ATXN7L1: variants seen among roughly 807,000 people sequenced by gnomAD.
ATXN7L1 encodes ataxin-7-like protein 1.
Under a neutral mutation model 70.8 loss-of-function variants are expected in ATXN7L1, and 15 were observed. That is an observed-to-expected ratio of 0.21 (90% CI 0.14 to 0.33). The LOEUF is 0.33. Among genes scored for constraint, ATXN7L1 ranks in the 10% least tolerant of loss-of-function variants. ATXN7L1 has a pLI of 1.00. For missense variants in ATXN7L1, 975 were observed against 1,097.1 expected, an observed-to-expected ratio of 0.89 and a Z score of 1.57; for synonymous variants, 440 against 445.1, an observed-to-expected ratio of 0.99 and a Z score of 0.14.
intron 2 of ATXN7L1, among the ~76,000 whole-genome samples, chr7:105,849,003 C>T (rs1009914364): frequency 6.6e-6 from 1 of 152,224 alleles, no homozygotes; most frequent in African/African-American, 2.4e-5. Context: ...TCCTCACCTC[C>T]ATTCCTCCAC....
At chr7:105,705,214 T>C (rs531185936) in intron 3 of ATXN7L1, among the ~76,000 whole-genome samples, 88 of 151,784 alleles carry the variant, frequency 5.8e-4, no homozygotes, top group African/African-American at 2.0e-3. Flanking sequence ...TTAGTAGTAA[T>C]GGGGTTTCAC....
intron 9 of ATXN7L1, among the ~76,000 whole-genome samples, chr7:105,619,577 G>A (rs1467879406): frequency 1.9e-5 from 2 of 107,236 alleles, no homozygotes; most frequent in Non-Finnish European, 3.4e-5. Context: ...TAAGAGAGAG[G>A]GTCTTGCTCC....
intron 3 of ATXN7L1, among the ~76,000 whole-genome samples, chr7:105,725,384 A>G (rs1184196154): frequency 6.6e-6 from 1 of 152,178 alleles, no homozygotes; most frequent in African/African-American, 2.4e-5. Context: ...GGAATAAACC[A>G]TTAATGATTG....
chr7:105,857,601 A>G (rs919823960), intron 2 of ATXN7L1, among the ~76,000 whole-genome samples: 7 of 152,236 alleles, frequency 4.6e-5, no homozygotes, highest in Non-Finnish European at 7.3e-5. Flanking sequence ...CCCAGGCTAA[A>G]TACTGTGCTC....
chr7:105,775,365 G>A (rs959525114), intron 3 of ATXN7L1, among the ~76,000 whole-genome samples: 2 of 152,202 alleles, frequency 1.3e-5, no homozygotes, highest in Non-Finnish European at 2.9e-5. Context: ...GAAGCACTGC[G>A]GGTTTAGAAA....
intron 2 of ATXN7L1, among the ~76,000 whole-genome samples, chr7:105,789,927 T>C (rs75638218): frequency 0.017 from 2,619 of 151,720 alleles, 28 homozygotes; most frequent in Non-Finnish European, 0.027. Context: ...CACCCACCAA[T>C]TGACGAGTGG....
chr7:105,668,516 A>G (rs2116086912), intron 3 of ATXN7L1, among the ~76,000 whole-genome samples: 1 of 152,134 alleles, frequency 6.6e-6, no homozygotes, highest in South Asian at 2.1e-4. Flanking sequence ...GGGAGAATCA[A>G]GGCTGAAGAT....
intron 3 of ATXN7L1, among the ~76,000 whole-genome samples, chr7:105,703,305 C>A (rs1169242835): frequency 3.0e-3 from 380 of 126,358 alleles, no homozygotes; most frequent in Middle Eastern, 4.4e-3. Context: ...AACTCCGTCT[C>A]AAAAAAAAAA....
intron 3 of ATXN7L1, among the ~76,000 whole-genome samples, chr7:105,674,088 G>A (rs1422056954): frequency 6.6e-6 from 1 of 152,246 alleles, no homozygotes; most frequent in Non-Finnish European, 1.5e-5. Flanking sequence ...TGGCAGGGCT[G>A]AGGAGCCGAG....
chr7:105,658,551 G>A (rs1227460179), intron 4 of ATXN7L1, among the ~76,000 whole-genome samples: 6 of 139,080 alleles, frequency 4.3e-5, no homozygotes, highest in Non-Finnish European at 9.2e-5. Context: ...TTTTGAGGTG[G>A]AGTCTCACTT....
intron 3 of ATXN7L1, among the ~76,000 whole-genome samples, chr7:105,775,465 G>C (rs608683): frequency 0.29 from 44,256 of 152,006 alleles, 6,749 homozygotes; most frequent in East Asian, 0.45. Flanking sequence ...CCAGGAAGGA[G>C]TCAGTAACTC....
At chr7:105,872,320 C>T (rs1351569815) in intron 2 of ATXN7L1, among the ~76,000 whole-genome samples, 1 of 152,100 alleles carries the variant, frequency 6.6e-6, no homozygotes, top group Non-Finnish European at 1.5e-5. Context: ...TTTCACATTT[C>T]CAGCCTAACT....
intron 3 of ATXN7L1, among the ~76,000 whole-genome samples, chr7:105,728,924 A>G (rs1796210004): frequency 6.6e-6 from 1 of 152,204 alleles, no homozygotes; most frequent in Admixed American, 6.5e-5. Context: ...AACCCAAAGT[A>G]CAAAATAAAG....
chr7:105,852,825 T>A (rs1815077712), intron 2 of ATXN7L1, among the ~76,000 whole-genome samples: 1 of 152,030 alleles, frequency 6.6e-6, no homozygotes, highest in Non-Finnish European at 1.5e-5. Context: ...AATGATTGGA[T>A]AAATAAAATG....
At chr7:105,761,548 A>T (rs540523764) in intron 3 of ATXN7L1, 7 of 1,532,826 alleles carry the variant, frequency 4.6e-6, no homozygotes, top group East Asian at 2.3e-5. Flanking sequence ...ATGATTACTC[A>T]TGCCAATTGC....
Position 105,704,584 on chromosome 7 carries a change from CTTTTTTTT to C in ATXN7L1, c.356-39304_356-39297del, listed in dbSNP as rs11329205. ...ACCAATGTCCAGAGAGGTTTTATCTCTTTTTTTTTTTTTTTTTTTTTTTTTTTTAGACA... is the reference window on the plus strand; with the variant it reads ...ACCAATGTCCAGAGAGGTTTTATCTCTTTTTTTTTTTTTTTTTTTTAGACA... On this transcript the variant is annotated intron_variant, in intron 3 of 11. Transcript: ENST00000419735. 4.5e-4 allele frequency among the ~76,000 whole-genome samples: 40 copies of C among 89,504 alleles called. No individual in the cohort carries two copies. In the East Asian group the frequency reaches 9.8e-3, roughly 22 times the overall value. 58.7% of individuals were successfully genotyped at this position (89,504 alleles called of 152,430 possible).
At chr7:105,849,551 C>G (rs1814573341) in intron 2 of ATXN7L1, among the ~76,000 whole-genome samples, 1 of 152,256 alleles carries the variant, frequency 6.6e-6, no homozygotes, top group African/African-American at 2.4e-5. Flanking sequence ...CAGGGTGGTG[C>G]CGTCCTGTGG....
At chr7:105,824,878 C>T (rs897370352) in intron 2 of ATXN7L1, among the ~76,000 whole-genome samples, 22 of 150,004 alleles carry the variant, frequency 1.5e-4, no homozygotes, top group African/African-American at 5.2e-4. Flanking sequence ...GCTGAGATCA[C>T]GCCACTACAC....
At chr7:105,859,750 A>G (rs1816280420) in intron 2 of ATXN7L1, among the ~76,000 whole-genome samples, 1 of 151,506 alleles carries the variant, frequency 6.6e-6, no homozygotes, top group Non-Finnish European at 1.5e-5. Context: ...TCATTAAGGA[A>G]TGCATGACTG....
Sources: gnomAD v4.1 joint callset for allele counts (sites outside exome capture counted in the v4.1 genomes callset) on GRCh38, gnomAD v4.1.1 for gene constraint, MANE v1.5 for transcripts, NCBI Gene and HGNC (gene_info 2026-07-23, HGNC 2026-07-21) for gene names.